LRRC37A2: variants seen among roughly 807,000 people sequenced by gnomAD.
LRRC37A2 encodes leucine-rich repeat-containing protein 37A2.
LRRC37A2 carries 9 observed loss-of-function variants against 68.8 expected under a neutral mutation model. That is an observed-to-expected ratio of 0.13 (90% CI 0.08 to 0.23). The LOEUF (loss-of-function observed/expected upper bound fraction) is 0.23, where lower values mean the gene tolerates loss of function less well. Ranked by LOEUF, LRRC37A2 falls within the 10% of genes least tolerant of loss-of-function variation. The pLI, the probability that LRRC37A2 is intolerant of heterozygous loss-of-function variation, is 1.00. For synonymous variants in LRRC37A2, 63 were observed against 367.6 expected (o/e 0.17, Z 9.48); for missense variants, 168 against 950.4 (o/e 0.18, Z 10.82).
At chr17:46,989,841 G>A in the LRRC37A2 span, among the ~76,000 whole-genome samples, 1 of 152,242 alleles carries the variant, frequency 6.6e-6, no homozygotes, top group African/African-American at 2.4e-5. Flanking sequence ...CTAGCTTTCA[G>A]CCATCCTCGC....
At chr17:47,027,939 T>A in the LRRC37A2 span, among the ~76,000 whole-genome samples, 1 of 152,204 alleles carries the variant, frequency 6.6e-6, no homozygotes, top group Non-Finnish European at 1.5e-5. Flanking sequence ...AGGCCAGAGA[T>A]GCTGCTAAAC....
At chr17:46,840,323 T>G in the LRRC37A2 span, among the ~76,000 whole-genome samples, 4 of 152,152 alleles carry the variant, frequency 2.6e-5, no homozygotes, top group Admixed American at 6.6e-5. Context: ...CCTGACCTCA[T>G]GATCCACCCG....
At chr17:46,849,908 C>T in the LRRC37A2 span, among the ~76,000 whole-genome samples, 4 of 148,822 alleles carry the variant, frequency 2.7e-5, no homozygotes, top group East Asian at 2.0e-4. Flanking sequence ...AGTGCAATGG[C>T]GTGATTTCGG....
the LRRC37A2 span, among the ~76,000 whole-genome samples, chr17:46,810,746 T>C: frequency 1.3e-5 from 2 of 151,926 alleles, no homozygotes; most frequent in African/African-American, 4.8e-5. Flanking sequence ...GAACGCGGAA[T>C]ACAGCCTCCA....
the LRRC37A2 span, among the ~76,000 whole-genome samples, chr17:46,492,289 T>A: frequency 3.3e-5 from 5 of 151,120 alleles, no homozygotes; most frequent in Non-Finnish European, 5.9e-5. Flanking sequence ...ATAGGTATTT[T>A]AATTTTTTAG....
the LRRC37A2 span, among the ~76,000 whole-genome samples, chr17:46,741,944 C>T: frequency 6.6e-6 from 1 of 152,234 alleles, no homozygotes; most frequent in South Asian, 2.1e-4. Context: ...TTAGTAGAGA[C>T]AGCATTTCAC....
At chr17:46,706,744 TA>T in the LRRC37A2 span, among the ~76,000 whole-genome samples, 2 of 138,294 alleles carry the variant, frequency 1.4e-5, no homozygotes, top group African/African-American at 2.7e-5. Context: ...TGTCCCGCTT[TA>T]AAAAAACATT....
the LRRC37A2 span, among the ~76,000 whole-genome samples, chr17:46,782,299 A>G: frequency 3.3e-5 from 5 of 152,086 alleles, no homozygotes; most frequent in Non-Finnish European, 2.9e-5. Context: ...GGAGAGGAGG[A>G]GGGAAGGTGA....
the LRRC37A2 span, among the ~76,000 whole-genome samples, chr17:46,736,496 A>G: frequency 6.6e-6 from 1 of 150,574 alleles, no homozygotes; most frequent in Non-Finnish European, 1.5e-5. Flanking sequence ...CCCTCCCTCT[A>G]CTCCTTACCC....
chr17:46,467,700 C>T, the LRRC37A2 span, among the ~76,000 whole-genome samples: 1 of 103,472 alleles, frequency 9.7e-6, no homozygotes, highest in Non-Finnish European at 2.1e-5. Flanking sequence ...AGCTAATGAC[C>T]TCATGCAGGA....
the LRRC37A2 span, among the ~76,000 whole-genome samples, chr17:46,819,878 C>T: frequency 6.6e-6 from 1 of 152,210 alleles, no homozygotes. The surrounding 1 kb of genome is among the most constrained non-coding windows in gnomAD (Gnocchi z 5.3). Flanking sequence ...GGACTCACGC[C>T]CGGTCACCTG....
the LRRC37A2 span, chr17:46,940,131 C>T: frequency 2.4e-6 from 3 of 1,247,450 alleles, no homozygotes; most frequent in Non-Finnish European, 3.0e-6. Flanking sequence ...TCTTGTTCCC[C>T]TCCCCGCTGC....
chr17:46,838,146 C>T, the LRRC37A2 span, among the ~76,000 whole-genome samples: 1 of 152,136 alleles, frequency 6.6e-6, no homozygotes, highest in Non-Finnish European at 1.5e-5. Context: ...AAAGCCTTCT[C>T]TGTGTCACTG....
chr17:47,027,651 T>C, the LRRC37A2 span: 21 of 1,023,728 alleles, frequency 2.1e-5, no homozygotes, highest in Non-Finnish European at 3.0e-5. Context: ...TATAACTTGA[T>C]TACATTTGGA....
At chr17:46,827,175 C>T in the LRRC37A2 span, among the ~76,000 whole-genome samples, 1 of 152,108 alleles carries the variant, frequency 6.6e-6, no homozygotes, top group Admixed American at 6.6e-5. Flanking sequence ...GCAGAGGCCC[C>T]CAGTTTGTTC....
chr17:46,979,067 G>C, the LRRC37A2 span: 1 of 1,324,554 alleles, frequency 7.5e-7, no homozygotes, highest in African/African-American at 1.6e-5. Flanking sequence ...TGCTCGCCGG[G>C]GTCCGCGCTC....
chr17:46,938,788 A>G, the LRRC37A2 span: 1 of 1,613,286 alleles, frequency 6.2e-7, no homozygotes, highest in Admixed American at 1.7e-5. Flanking sequence ...GCTGAACAGC[A>G]TTCCCACAGC....
chr17:47,005,577 C>T, the LRRC37A2 span: 1 of 152,144 alleles, frequency 6.6e-6, no homozygotes, highest in Admixed American at 6.6e-5. Context: ...TTACAATGCC[C>T]ACCTAGTTAA....
At chr17:46,816,482 C>T in the LRRC37A2 span, among the ~76,000 whole-genome samples, 1 of 46,946 alleles carries the variant, frequency 2.1e-5, no homozygotes, top group African/African-American at 8.6e-5. Flanking sequence ...CACGCACACA[C>T]ACACACACAC....
Sources: gnomAD v4.1 joint callset for allele counts (sites outside exome capture counted in the v4.1 genomes callset) on GRCh38, gnomAD v4.1.1 for gene constraint, Gnocchi (gnomAD v3.1) non-coding constraint, MANE v1.5 for transcripts, NCBI Gene and HGNC (gene_info 2026-07-23, HGNC 2026-07-21) for gene names.